Variants in PAMR1 observed in about 807,000 individuals in gnomAD.
PAMR1 encodes the protein inactive serine protease PAMR1.
In PAMR1, 88 loss-of-function variants were observed where a neutral mutation model predicts 81.8. That is an observed-to-expected ratio of 1.08 (90% CI 0.91 to 1.28). The LOEUF (loss-of-function observed/expected upper bound fraction) is 1.28, where lower values mean the gene tolerates loss of function less well. PAMR1 is among the 50% of genes most tolerant of loss of function. PAMR1 has a pLI of 0.00. For missense variants in PAMR1, 935 were observed against 919.7 expected (o/e 1.02, Z -0.21); for synonymous variants, 336 against 345.3 (o/e 0.97, Z 0.30).
intron 1 of PAMR1, among the ~76,000 whole-genome samples, chr11:35,521,915 G>GTTTTTTTTTTTTTTTTTT (rs955580689): frequency 6.7e-6 from 1 of 149,936 alleles, no homozygotes; most frequent in East Asian, 1.9e-4. Flanking sequence ...TTTTTGTTTG[G>GTTTTTTTTTTTTTTTTTT]TTTTTTTTTG....
chr11:35,476,745 C>T (rs1214989106), intron 3 of PAMR1, among the ~76,000 whole-genome samples: 2 of 152,078 alleles, frequency 1.3e-5, no homozygotes, highest in African/African-American at 4.8e-5. Context: ...TTGATTCAAG[C>T]CCTCCAAAGG....
chr11:35,510,838 A>G (rs577901684), intron 1 of PAMR1, among the ~76,000 whole-genome samples: 14 of 152,252 alleles, frequency 9.2e-5, no homozygotes, highest in Non-Finnish European at 1.9e-4. Flanking sequence ...CTTTAAAATC[A>G]GAATAAAAAA....
chr11:35,471,584 G>A (rs189012624), intron 4 of PAMR1, among the ~76,000 whole-genome samples: 1 of 152,148 alleles, frequency 6.6e-6, no homozygotes, highest in African/African-American at 2.4e-5. Context: ...TCTAGGCAAC[G>A]ATAATTCTCA....
rs12365646 is a variant in PAMR1 at position 35,449,268 on chromosome 11, T to G, written c.821-7575A>C. ...AGTGTGTTGAACAGGAGATCATGAC[T>G]GCCTCCCCACAGAGGATCTGTCCCA... On this transcript the variant is annotated intron_variant, in intron 6 of 10. Transcript: ENST00000619888. Among the ~76,000 whole-genome samples the G allele has an allele frequency of 2.0e-5, 3 of 151,046 alleles. No homozygotes were observed. The South Asian group carries it at 6.3e-4, about 32-fold the overall frequency.
chr11:35,436,297 T>C lies in PAMR1; in HGVS notation c.1101-162A>G, dbSNP rs7103121. 6.5e-3 allele frequency: 3,860 copies of C among 598,432 alleles called. 121 individuals carry two copies. The African/African-American group carries it at 0.066, about 10-fold the overall frequency. The allele number at this position is 598,432 out of a possible 1,614,324, so 37.1% of individuals were successfully genotyped here. On this transcript the variant is annotated intron_variant, in intron 8 of 10. Transcript: ENST00000619888. The stretch of plus-strand genomic sequence containing the variant: ...TCTCTCTCTCTGTCTGTCTGCCTTT[T>C]GAGGCAGGGTCTCCCTCTGTCCCTC...
intron 6 of PAMR1, among the ~76,000 whole-genome samples, chr11:35,462,789 G>C (rs77148979): frequency 1.3e-5 from 2 of 152,096 alleles, no homozygotes; most frequent in Admixed American, 6.6e-5. Flanking sequence ...TAAATGACTC[G>C]CTCAAGACCA....
chr11:35,455,010 G>T (rs900716421), intron 6 of PAMR1, among the ~76,000 whole-genome samples: 1 of 152,144 alleles, frequency 6.6e-6, no homozygotes, highest in African/African-American at 2.4e-5. Flanking sequence ...TACAAGTCTG[G>T]GGCACAGAGG....
At chr11:35,467,426 T>G (rs1856777271) in intron 6 of PAMR1, among the ~76,000 whole-genome samples, 1 of 152,244 alleles carries the variant, frequency 6.6e-6, no homozygotes, top group Non-Finnish European at 1.5e-5. Flanking sequence ...GGCTTCCATC[T>G]GTGACACCTG....
At chr11:35,516,017 GGA>G (rs1360106963) in intron 1 of PAMR1, among the ~76,000 whole-genome samples, 7 of 152,126 alleles carry the variant, frequency 4.6e-5, no homozygotes, top group Non-Finnish European at 8.8e-5. Flanking sequence ...AGAAGGAAGG[GGA>G]GGAGTATATG....
At chr11:35,513,884 T>C (rs1851116272) in intron 1 of PAMR1, among the ~76,000 whole-genome samples, 6 of 152,200 alleles carry the variant, frequency 3.9e-5, no homozygotes, top group Admixed American at 3.9e-4. Context: ...CACAGTTTGG[T>C]GATGCTGCTT....
intron 6 of PAMR1, among the ~76,000 whole-genome samples, chr11:35,455,110 T>C (rs1024026578): frequency 3.9e-5 from 6 of 152,206 alleles, no homozygotes; most frequent in Admixed American, 2.6e-4. Flanking sequence ...GCAAGTAAAG[T>C]GACATCCTTT....
At chr11:35,487,195 T>C (rs1298070742) in intron 3 of PAMR1, among the ~76,000 whole-genome samples, 1 of 149,834 alleles carries the variant, frequency 6.7e-6, no homozygotes, top group Non-Finnish European at 1.5e-5. Flanking sequence ...CATTTGTCCT[T>C]TGAGATTGTT....
intron 3 of PAMR1, among the ~76,000 whole-genome samples, chr11:35,484,941 G>A (rs1007852649): frequency 9.2e-5 from 14 of 152,164 alleles, no homozygotes; most frequent in Admixed American, 3.3e-4. Flanking sequence ...ACTTCAGAAC[G>A]CAACTTTTGA....
chr11:35,501,163 C>G (rs1850832702), intron 1 of PAMR1, among the ~76,000 whole-genome samples: 1 of 145,400 alleles, frequency 6.9e-6, no homozygotes. Context: ...CAGGGTCTCA[C>G]TCTGTCACCC....
rs140113499 is a variant in PAMR1, at chr11:35,461,646, C to T, written c.820+6355G>A. ...ACACACATACACACCCACACACACA[C>T]ACACCTTGGTAACTATAAAAGGGCA... On this transcript the variant is annotated intron_variant, in intron 6 of 10. Coordinates refer to ENST00000619888, the MANE Select transcript of PAMR1 (RefSeq NM_001001991.3). Among the ~76,000 whole-genome samples the T allele has an allele frequency of 6.0e-3, 918 of 152,074 alleles. 7 individuals carry two copies. The highest frequency in any genetic ancestry group is 0.014 in the Middle Eastern group (4 of 294).
intron 5 of PAMR1, among the ~76,000 whole-genome samples, chr11:35,468,603 G>C (rs931116869): frequency 1.3e-5 from 2 of 152,214 alleles, no homozygotes; most frequent in Non-Finnish European, 2.9e-5. Context: ...CCCTTGAGAT[G>C]TTGATGTGTT....
At chr11:35,473,816 C>T (rs1306792970) in intron 4 of PAMR1, among the ~76,000 whole-genome samples, 22 of 152,250 alleles carry the variant, frequency 1.4e-4, no homozygotes, top group Non-Finnish European at 4.4e-5. Flanking sequence ...TAAATCCGTT[C>T]ACTGTCACCA....
intron 1 of PAMR1, among the ~76,000 whole-genome samples, chr11:35,502,820 GT>G: frequency 1.4e-5 from 1 of 71,906 alleles, no homozygotes; most frequent in Non-Finnish European, 2.9e-5. Flanking sequence ...TTCCTTTGCT[GT>G]GCAGAAGCCT....
At chr11:35,516,108 C>A (rs1565362488) in intron 1 of PAMR1, among the ~76,000 whole-genome samples, 1 of 152,136 alleles carries the variant, frequency 6.6e-6, no homozygotes, top group South Asian at 2.1e-4. Context: ...TCATTTAATA[C>A]CTGCAGTCAA....
Sources: gnomAD v4.1 joint callset for allele counts (sites outside exome capture counted in the v4.1 genomes callset) on GRCh38, gnomAD v4.1.1 for gene constraint, MANE v1.5 for transcripts, NCBI Gene and HGNC (gene_info 2026-07-23, HGNC 2026-07-21) for gene names.